ADTRP: variants seen among roughly 807,000 people sequenced by gnomAD.
ADTRP encodes the protein androgen dependent TFPI regulating protein, also known as androgen-dependent TFPI-regulating protein.
A neutral mutation model predicts 27.0 loss-of-function variants in ADTRP; 20 were observed. That is an observed-to-expected ratio of 0.74 (90% CI 0.52 to 1.08). The LOEUF (loss-of-function observed/expected upper bound fraction) is 1.08. Ranked by LOEUF, ADTRP falls within the 50% of genes least tolerant of loss-of-function variation. The probability of loss-of-function intolerance (pLI) is 0.00; values close to 1 mark genes in which losing one functional copy is unlikely to be tolerated. For missense variants in ADTRP, 251 were observed against 275.0 expected (o/e 0.91, Z 0.62); for synonymous variants, 101 against 105.2 (o/e 0.96, Z 0.25).
intron 3 of ADTRP, among the ~76,000 whole-genome samples, chr6:11,741,429 C>T (rs1762712213): frequency 6.6e-6 from 1 of 152,174 alleles, no homozygotes; most frequent in East Asian, 1.9e-4. Context: ...ATAGTCTTTA[C>T]TGATCTGGAA....
At chr6:11,764,584 T>C (rs1763494360) in intron 3 of ADTRP, among the ~76,000 whole-genome samples, 1 of 151,954 alleles carries the variant, frequency 6.6e-6, no homozygotes, top group Admixed American at 6.6e-5. Flanking sequence ...TTTGCTGTAT[T>C]GATCAAGCAA....
chr6:11,742,345 C>T (rs1257249729), intron 3 of ADTRP, among the ~76,000 whole-genome samples: 1 of 151,936 alleles, frequency 6.6e-6, no homozygotes, highest in African/African-American at 2.4e-5. Context: ...TTTTCTCTCC[C>T]AATTAGCCCC....
Position 11,768,354 on chromosome 6 carries a change from G to A in ADTRP, c.183C>T (p.Thr61=). 2 of 1,614,170 alleles carry A rather than the reference G, an allele frequency of 1.2e-6. No individual in the cohort carries two copies. Among genetic ancestry groups the A allele is most frequent in the South Asian group, 2.2e-5 (2 of 91,080 alleles). ...TTCTTTTCAGCACATCATCCAGGCA[G>A]GTGACCCCGTAGAAAATGGTCTGCA... ...LLLQTIFYGV[T]CLDDVLKRTK... is the part of the protein sequence containing the mutation. The change falls in exon 2 of 6, where the codon ACC becomes ACT. Residue 61 remains threonine (T), a synonymous_variant. Transcript: ENST00000414691.
rs773496183 is a variant in ADTRP at position 11,768,314 on chromosome 6, CT to C, written c.222del (p.Asp75ThrfsTer5). ...CTGAAGGCAGTTAGGAACTTAATGT[CT>C]TTTCCCCCTTTGGTTCTTTTCAGCA... ...DDVLKRTKGG[K>X]DIKFLTAFRD... is the part of the protein sequence containing the mutation. On this transcript the variant is annotated frameshift_variant, in exon 2 of 6. Coordinates refer to ENST00000414691, the MANE Select transcript of ADTRP (RefSeq NM_032744.4). LOFTEE classifies it high-confidence loss of function. 2 of 1,614,106 alleles carry C rather than the reference CT, an allele frequency of 1.2e-6. No individual in the cohort carries two copies. The highest frequency in any genetic ancestry group is 2.7e-5 in the African/African-American group (2 of 74,938).
chr6:11,734,395 T>A (rs188332472), intron 4 of ADTRP, among the ~76,000 whole-genome samples: 1 of 152,344 alleles, frequency 6.6e-6, no homozygotes, highest in East Asian at 1.9e-4. Flanking sequence ...GGACCCAAGC[T>A]TAAGCCTCGT....
chr6:11,715,221 C>T (rs1761772651), intron 5 of ADTRP, among the ~76,000 whole-genome samples: 1 of 152,150 alleles, frequency 6.6e-6, no homozygotes, highest in South Asian at 2.1e-4. Flanking sequence ...GAACTTACAG[C>T]CCTGGTAGTT....
At chr6:11,773,150 A>G (rs1470970096) in intron 1 of ADTRP, among the ~76,000 whole-genome samples, 1 of 152,224 alleles carries the variant, frequency 6.6e-6, no homozygotes, top group African/African-American at 2.4e-5. Flanking sequence ...GTATCAGAAC[A>G]TAATACAGGC....
intron 5 of ADTRP, 86 bp downstream of exon 5, chr6:11,723,263 G>C (rs762205585): frequency 9.4e-5 from 141 of 1,505,846 alleles, no homozygotes; most frequent in Middle Eastern, 9.2e-4. Context: ...TTCTGTTTGC[G>C]GCTAGTTTTT....
At chr6:11,778,313 A>G (rs1214005364) in intron 1 of ADTRP, among the ~76,000 whole-genome samples, 1 of 152,220 alleles carries the variant, frequency 6.6e-6, no homozygotes, top group African/African-American at 2.4e-5. Context: ...TGGTGAAACC[A>G]TTAGCATGGT....
Position 11,758,918 on chromosome 6 carries a change from T to C in ADTRP, c.390+7356A>G, listed in dbSNP as rs1244539366. Among the ~76,000 whole-genome samples, 9 of 152,292 alleles carry C rather than the reference T, an allele frequency of 5.9e-5. No homozygotes were observed. In the East Asian group the frequency reaches 1.7e-3, roughly 29 times the overall value. The stretch of plus-strand genomic sequence containing the variant: ...TTCAGAAAGCATGCTGTCCCATGTC[T>C]TGGAGTAAATAAAGCCTTTACTCTC... On this transcript the variant is annotated intron_variant, in intron 3 of 5. Coordinates refer to ENST00000414691, the MANE Select transcript of ADTRP (RefSeq NM_032744.4).
chr6:11,714,419 AAGATGAG>A lies in ADTRP; in HGVS notation c.*52_*58del. The A allele has an allele frequency of 6.3e-7, 1 of 1,587,910 alleles. No individual in the cohort carries two copies. On this transcript the variant is annotated 3_prime_UTR_variant, in exon 6 of 6. Coordinates refer to ENST00000414691, the MANE Select transcript of ADTRP (RefSeq NM_032744.4). ...CTCCCTCCACCAGAAAAAAAAAAAA[AAGATGAG>A]AAAAATCTCTTGTGTTTTCTTCTTT...
intron 3 of ADTRP, among the ~76,000 whole-genome samples, chr6:11,764,357 T>G (rs1763485413): frequency 6.6e-6 from 1 of 152,160 alleles, no homozygotes; most frequent in Non-Finnish European, 1.5e-5. Flanking sequence ...TGGTAGTCAT[T>G]GTGAAAAAAG....
At chr6:11,742,890 A>T (rs1302891473) in intron 3 of ADTRP, among the ~76,000 whole-genome samples, 1 of 152,238 alleles carries the variant, frequency 6.6e-6, no homozygotes, top group African/African-American at 2.4e-5. Context: ...TGAATCGGAC[A>T]CCAGCCAGGA....
intron 5 of ADTRP, among the ~76,000 whole-genome samples, chr6:11,721,853 ATT>A (rs1413419152): frequency 2.0e-5 from 3 of 152,188 alleles, no homozygotes; most frequent in Non-Finnish European, 4.4e-5. Context: ...TATGATGATA[ATT>A]TTGTTTTTTA....
At chr6:11,759,153 T>C (rs1763322585) in intron 3 of ADTRP, among the ~76,000 whole-genome samples, 1 of 152,186 alleles carries the variant, frequency 6.6e-6, no homozygotes, top group South Asian at 2.1e-4. Context: ...TGCCAAGCAA[T>C]GTCTTTTGTT....
intron 3 of ADTRP, among the ~76,000 whole-genome samples, chr6:11,744,791 A>C (rs960312928): frequency 3.3e-5 from 5 of 152,218 alleles, no homozygotes; most frequent in African/African-American, 1.2e-4. Flanking sequence ...CTTTTAAAGA[A>C]AGAGGAAGTT....
intron 1 of ADTRP, among the ~76,000 whole-genome samples, chr6:11,778,012 G>GT (rs1440471159): frequency 1.3e-5 from 2 of 152,184 alleles, no homozygotes; most frequent in Admixed American, 6.5e-5. Flanking sequence ...CAAGAAAGGA[G>GT]TAAGTCATAA....
chr6:11,774,526 G>A (rs1319226044), intron 1 of ADTRP, among the ~76,000 whole-genome samples: 1 of 151,936 alleles, frequency 6.6e-6, no homozygotes, highest in Non-Finnish European at 1.5e-5. Flanking sequence ...TATTGCCACT[G>A]TTGTCATCAT....
At chr6:11,714,626 T>A (rs1229056736) in intron 5 of ADTRP, 114 bp from the exon 6 acceptor site, 5 of 1,213,614 alleles carry the variant, frequency 4.1e-6, no homozygotes, top group Non-Finnish European at 5.8e-6. Context: ...GAACACACTT[T>A]TCCCAAGGTG....
Sources: allele counts gnomAD v4.1 joint callset (sites outside exome capture counted in the v4.1 genomes callset), GRCh38; gene constraint gnomAD v4.1.1; transcripts MANE v1.5; gene names NCBI Gene and HGNC (gene_info 2026-07-23, HGNC 2026-07-21).